Variants in LRP1B observed in about 807,000 individuals in gnomAD.
LRP1B encodes the protein LDL receptor related protein 1B.
A neutral mutation model predicts 556.6 loss-of-function variants in LRP1B; 217 were observed. That is an observed-to-expected ratio of 0.39 (90% CI 0.35 to 0.44). The LOEUF is 0.44. Ranked by LOEUF, LRP1B falls within the 20% of genes least tolerant of loss-of-function variation. The pLI, the probability that LRP1B is intolerant of heterozygous loss-of-function variation, is 1.00. For missense variants in LRP1B, 5,053 were observed against 5,620.8 expected, an observed-to-expected ratio of 0.90 and a Z score of 3.23; for synonymous variants, 2,047 against 1,865.8, an observed-to-expected ratio of 1.10 and a Z score of -2.50.
intron 66 of LRP1B, among the ~76,000 whole-genome samples, chr2:140,409,877 G>T (rs1684898266): frequency 6.6e-6 from 1 of 151,960 alleles, no homozygotes; most frequent in South Asian, 2.1e-4. Flanking sequence ...ACAAAGCTTT[G>T]CACTTGCTTT....
chr2:141,943,402 C>A (rs529705356), intron 1 of LRP1B, among the ~76,000 whole-genome samples: 1 of 152,152 alleles, frequency 6.6e-6, no homozygotes, highest in Non-Finnish European at 1.5e-5. Context: ...CTCCTTTCAA[C>A]CCCCTGCTAA....
At chr2:140,910,630 T>C (rs896839333) in intron 21 of LRP1B, among the ~76,000 whole-genome samples, 1 of 151,790 alleles carries the variant, frequency 6.6e-6, no homozygotes, top group African/African-American at 2.4e-5. Flanking sequence ...TTTAAATCAA[T>C]AAGATAACAA....
chr2:141,783,211 T>C (rs1345671217), intron 2 of LRP1B, among the ~76,000 whole-genome samples: 1 of 152,082 alleles, frequency 6.6e-6, no homozygotes, highest in African/African-American at 2.4e-5. Context: ...ATTAGCACTC[T>C]CCTGCTCTTA....
At chr2:141,607,593 C>T (rs1687963740) in intron 2 of LRP1B, among the ~76,000 whole-genome samples, 1 of 152,068 alleles carries the variant, frequency 6.6e-6, no homozygotes, top group African/African-American at 2.4e-5. Context: ...CCCAAAGTTG[C>T]AGTTAAGAAG....
intron 59 of LRP1B, among the ~76,000 whole-genome samples, chr2:140,480,661 G>A (rs1688194594): frequency 6.6e-6 from 1 of 151,830 alleles, no homozygotes; most frequent in South Asian, 2.1e-4. Context: ...GGCTGGTCCC[G>A]AACTCCTAAC....
intron 86 of LRP1B, among the ~76,000 whole-genome samples, chr2:140,262,078 G>T (rs1432866873): frequency 6.6e-6 from 1 of 151,660 alleles, no homozygotes; most frequent in Non-Finnish European, 1.5e-5. Context: ...TAAAAAAAAA[G>T]ATCAGAAGAA....
intron 13 of LRP1B, among the ~76,000 whole-genome samples, chr2:141,014,227 T>A (rs1300731653): frequency 6.6e-6 from 1 of 152,056 alleles, no homozygotes; most frequent in Non-Finnish European, 1.5e-5. Flanking sequence ...CTACTTTAAT[T>A]GAGCCAATGC....
chr2:140,724,643 T>C (rs1559078437), intron 35 of LRP1B, among the ~76,000 whole-genome samples: 1 of 152,188 alleles, frequency 6.6e-6, no homozygotes, highest in African/African-American at 2.4e-5. Flanking sequence ...TTTCAGTTAA[T>C]GTAGTCTTTA....
intron 2 of LRP1B, among the ~76,000 whole-genome samples, chr2:141,636,033 A>G (rs575585062): frequency 6.6e-6 from 1 of 152,264 alleles, no homozygotes; most frequent in Non-Finnish European, 1.5e-5. Flanking sequence ...TTGCAGTTGT[A>G]GTCTCCCTCC....
intron 2 of LRP1B, among the ~76,000 whole-genome samples, chr2:141,552,636 TTATTTATAGAAGTTTC>T (rs1328555608): frequency 2.6e-5 from 4 of 151,994 alleles, no homozygotes; most frequent in Non-Finnish European, 5.9e-5. Context: ...TGTATGATTA[TTATTTATAGAAGTTTC>T]TAAATTCCCT....
At chr2:142,125,098 G>A (rs1020134231) in intron 1 of LRP1B, among the ~76,000 whole-genome samples, 1 of 151,698 alleles carries the variant, frequency 6.6e-6, no homozygotes, top group African/African-American at 2.4e-5. Flanking sequence ...ATTTAGAACA[G>A]AGCAATACAT....
intron 2 of LRP1B, among the ~76,000 whole-genome samples, chr2:141,615,313 C>A (rs942245874): frequency 6.6e-6 from 1 of 152,178 alleles, no homozygotes; most frequent in African/African-American, 2.4e-5. Flanking sequence ...TGCTTCAAGA[C>A]TGTAACAGTT....
At chr2:141,591,339 G>T (rs58925091) in intron 2 of LRP1B, among the ~76,000 whole-genome samples, 34 of 66,276 alleles carry the variant, frequency 5.1e-4, no homozygotes, top group East Asian at 4.3e-3. Context: ...TTTAGTACTG[G>T]TTTTTTTTTG....
At chr2:142,091,218 C>T (rs1706159203) in intron 1 of LRP1B, among the ~76,000 whole-genome samples, 1 of 152,002 alleles carries the variant, frequency 6.6e-6, no homozygotes, top group Admixed American at 6.6e-5. Flanking sequence ...GAGACGAACT[C>T]ATTTTTTAGA....
At chr2:141,462,161 T>A (rs542642422) in intron 3 of LRP1B, among the ~76,000 whole-genome samples, 61 of 152,296 alleles carry the variant, frequency 4.0e-4, no homozygotes, top group African/African-American at 1.4e-3. Context: ...GGATCATCCA[T>A]CCATATATAT....
intron 1 of LRP1B, among the ~76,000 whole-genome samples, chr2:141,843,312 C>T (rs746778412): frequency 1.1e-4 from 16 of 152,136 alleles, no homozygotes; most frequent in Non-Finnish European, 2.1e-4. Context: ...GGGTTGGTTA[C>T]ATATAATCCA....
At chr2:140,741,391 C>A (rs1688132650) in intron 35 of LRP1B, among the ~76,000 whole-genome samples, 1 of 151,892 alleles carries the variant, frequency 6.6e-6, no homozygotes. Context: ...AGATTAAGAT[C>A]AAGTTGCCAA....
chr2:140,233,431 A>G, intron 90 of LRP1B, 105 bp from the exon 91 acceptor site: 1 of 662,006 alleles, frequency 1.5e-6, no homozygotes, highest in East Asian at 3.0e-5. Flanking sequence ...ATTTATATGC[A>G]ATACATTTAA....
intron 23 of LRP1B, among the ~76,000 whole-genome samples, chr2:140,892,525 C>T (rs57626670): frequency 0.019 from 2,901 of 152,170 alleles, 88 homozygotes; most frequent in African/African-American, 0.065. Context: ...GAGAAAATGA[C>T]AGAGTGGATA....
Sources: allele counts gnomAD v4.1 joint callset (sites outside exome capture counted in the v4.1 genomes callset), GRCh38; gene constraint gnomAD v4.1.1; transcripts MANE v1.5; gene names NCBI Gene and HGNC (gene_info 2026-07-23, HGNC 2026-07-21).